Variants in GATA4 observed in about 807,000 individuals in gnomAD.
GATA4 encodes the protein GATA binding protein 4.
GATA4 carries 7 observed loss-of-function variants against 37.9 expected under a neutral mutation model. The observed-to-expected ratio is 0.18, with a 90% CI of 0.11 to 0.35. GATA4 has a LOEUF of 0.35. Ranked by LOEUF, GATA4 falls within the 10% of genes least tolerant of loss-of-function variation. The pLI is 1.00. For synonymous variants in GATA4, 372 were observed against 292.6 expected (o/e 1.27, Z -2.77); for missense variants, 647 against 653.0 (o/e 0.99, Z 0.10).
In GATA4 at chr8:11,723,018, C is replaced by G. The variant is rs185477061; in HGVS notation, c.616+14090C>G. Among the ~76,000 whole-genome samples, 4 of 152,118 alleles carry G rather than the reference C, an allele frequency of 2.6e-5. No homozygotes were observed. The East Asian group carries it at 7.8e-4, about 29-fold the overall frequency. On this transcript the variant is annotated intron_variant, in intron 2 of 6. Transcript: ENST00000532059. The stretch of plus-strand genomic sequence containing the variant: ...TTCTCTAGCATCCTTCAACAATTAC[C>G]AATGAAATGAAATTGTTTTCAGCAT...
In GATA4 at chr8:11,707,828, C is replaced by G. The variant is rs1234093461; in HGVS notation, c.-457-28C>G. The G allele has an allele frequency of 4.6e-6, 1 of 219,564 alleles. No individual in the cohort carries two copies. The highest frequency in any genetic ancestry group is 9.1e-6 in the Non-Finnish European group (1 of 109,456). The allele number at this position is 219,564 out of a possible 1,614,324, so 13.6% of individuals were successfully genotyped here. ...TCTGAAAGCTCTGGGATGAACCACC[C>G]TCTCTCTTTCTGTCGTTCCTCTTTT... On this transcript the variant is annotated intron_variant, in intron 1 of 6. Transcript: ENST00000532059. The surrounding 1 kb of genome is among the most constrained non-coding windows in gnomAD (Gnocchi z 4.7).
intron 1 of GATA4, among the ~76,000 whole-genome samples, chr8:11,684,609 G>A (rs1799082050): frequency 6.6e-6 from 1 of 152,108 alleles, no homozygotes; most frequent in South Asian, 2.1e-4. Flanking sequence ...CCACTCACTG[G>A]CTGTGTTTTC....
chr8:11,732,964 A>G (rs755388019), intron 2 of GATA4, among the ~76,000 whole-genome samples: 4 of 152,130 alleles, frequency 2.6e-5, no homozygotes, highest in Non-Finnish European at 5.9e-5. Flanking sequence ...CCAACCTCCA[A>G]ATACCATCAC....
At chr8:11,677,310 C>A (rs543910638) in intron 1 of GATA4, among the ~76,000 whole-genome samples, 3 of 152,318 alleles carry the variant, frequency 2.0e-5, no homozygotes, top group African/African-American at 4.8e-5. Flanking sequence ...AGACGCCGGG[C>A]TTCCTTCCCA....
intron 1 of GATA4, chr8:11,683,240 C>G (rs1187637653): frequency 1.6e-6 from 1 of 639,942 alleles, no homozygotes; most frequent in Non-Finnish European, 1.9e-6. Flanking sequence ...GACGGAGGGA[C>G]GGGGCTGGCG....
intron 2 of GATA4, among the ~76,000 whole-genome samples, chr8:11,720,961 G>C (rs1800647239): frequency 6.6e-6 from 1 of 151,964 alleles, no homozygotes; most frequent in Admixed American, 6.6e-5. Context: ...CCACATGCGT[G>C]ATTTGTTTCA....
At chr8:11,727,819 T>C (rs1449348309) in intron 2 of GATA4, among the ~76,000 whole-genome samples, 1 of 151,566 alleles carries the variant, frequency 6.6e-6, no homozygotes, top group African/African-American at 2.4e-5. Context: ...AGAGTGAGAC[T>C]CTGTCTCAAA....
chr8:11,755,710 C>T (rs921101346), intron 5 of GATA4, among the ~76,000 whole-genome samples: 9 of 152,088 alleles, frequency 5.9e-5, no homozygotes, highest in South Asian at 2.1e-4. Flanking sequence ...AATGATTTAA[C>T]GAGGGTCATA....
chr8:11,758,808 T>G lies in GATA4; in HGVS notation c.*333T>G. The G allele has an allele frequency of 5.3e-6, 2 of 375,624 alleles. No homozygotes were observed. Among genetic ancestry groups the G allele is most frequent in the Non-Finnish European group, 1.0e-5 (2 of 195,784 alleles). The allele number at this position is 375,624 out of a possible 1,614,324, so 23.3% of individuals were successfully genotyped here. A position where few individuals can be genotyped will look rare whatever the true frequency, so the allele number is the denominator to read the frequency against. Reference sequence around the variant, plus strand: ...GACCGTGGGTTTTGCATTGTGTTTCTAGCACCGAGGATCTGAGAACAAGCG... The same window carrying G: ...GACCGTGGGTTTTGCATTGTGTTTCGAGCACCGAGGATCTGAGAACAAGCG... On this transcript the variant is annotated 3_prime_UTR_variant, in exon 7 of 7. Coordinates refer to ENST00000532059, the MANE Select transcript of GATA4 (RefSeq NM_001308093.3).
Sources: allele counts gnomAD v4.1 joint callset (sites outside exome capture counted in the v4.1 genomes callset), GRCh38; gene constraint gnomAD v4.1.1; non-coding constraint Gnocchi (gnomAD v3.1); transcripts MANE v1.5; gene names NCBI Gene and HGNC (gene_info 2026-07-23, HGNC 2026-07-21).